Variants in PTPRD observed in about 807,000 individuals in gnomAD.
PTPRD encodes the protein protein tyrosine phosphatase receptor type D.
Under a neutral mutation model 214.5 loss-of-function variants are expected in PTPRD, and 34 were observed. That is an observed-to-expected ratio of 0.16 (90% CI 0.12 to 0.21). The LOEUF is 0.21. Among genes scored for constraint, PTPRD ranks in the 10% least tolerant of loss-of-function variants. The pLI is 1.00. For missense variants in PTPRD, 2,545 were observed against 2,398.7 expected, an observed-to-expected ratio of 1.06 and a Z score of -1.27; for synonymous variants, 1,128 against 845.7, an observed-to-expected ratio of 1.33 and a Z score of -5.79.
chr9:9,674,703 G>C (rs765937454), intron 7 of PTPRD, among the ~76,000 whole-genome samples: 1 of 151,698 alleles, frequency 6.6e-6, no homozygotes, highest in Non-Finnish European at 1.5e-5. Context: ...TAAAAAGATC[G>C]TTAGGGTAAT....
chr9:10,141,595 T>A (rs2098985533), intron 3 of PTPRD, among the ~76,000 whole-genome samples: 1 of 151,868 alleles, frequency 6.6e-6, no homozygotes, highest in Admixed American at 6.6e-5. Flanking sequence ...CTCAACGAAA[T>A]AAAAGAGGAT....
intron 2 of PTPRD, among the ~76,000 whole-genome samples, chr9:10,595,032 A>G (rs2076304940): frequency 6.6e-6 from 1 of 151,646 alleles, no homozygotes; most frequent in African/African-American, 2.4e-5. Context: ...ATAACTATTT[A>G]TAGGCGATAA....
rs547663776 is a variant in PTPRD, at chr9:8,470,893, C to G, written c.3504+102G>C. On this transcript the variant is annotated intron_variant, in intron 31 of 45. Transcript: ENST00000381196. ...ATCCAACCAGCTAGGTATGGAGAAGCCAGCACCCAGATTAGATCCTGAAAG... is the reference window on the plus strand; with the variant it reads ...ATCCAACCAGCTAGGTATGGAGAAGGCAGCACCCAGATTAGATCCTGAAAG... 6.3e-5 allele frequency: 63 copies of G among 1,002,450 alleles called. No individual in the cohort carries two copies. In the South Asian group the frequency reaches 7.8e-4, roughly 12 times the overall value. The allele number at this position is 1,002,450 out of a possible 1,614,324, so 62.1% of individuals were successfully genotyped here. A position where few individuals can be genotyped will look rare whatever the true frequency, so the allele number is the denominator to read the frequency against.
intron 5 of PTPRD, among the ~76,000 whole-genome samples, chr9:9,926,700 C>G (rs2084439600): frequency 1.3e-5 from 2 of 151,944 alleles, no homozygotes; most frequent in South Asian, 2.1e-4. Flanking sequence ...AAATTTCTAA[C>G]TAGGGTTAAT....
chr9:10,239,547 AT>A (rs142481153), intron 3 of PTPRD, among the ~76,000 whole-genome samples: 2,504 of 152,044 alleles, frequency 0.016, 84 homozygotes, highest in African/African-American at 0.057. Flanking sequence ...GTGAAAGGGA[AT>A]TTGCAAAATA....
chr9:10,262,357 C>G (rs1485600865), intron 3 of PTPRD, among the ~76,000 whole-genome samples: 1 of 152,144 alleles, frequency 6.6e-6, no homozygotes, highest in African/African-American at 2.4e-5. Context: ...GAGTGCATCT[C>G]ATTTACTCAT....
chr9:8,604,989 CT>C (rs2154281206), intron 14 of PTPRD, among the ~76,000 whole-genome samples: 1 of 152,256 alleles, frequency 6.6e-6, no homozygotes, highest in African/African-American at 2.4e-5. Context: ...AATTTGATTT[CT>C]GGGTTTTCCA....
chr9:10,241,009 C>A (rs73400326), intron 3 of PTPRD, among the ~76,000 whole-genome samples: 1,330 of 122,312 alleles, frequency 0.011, 15 homozygotes, highest in African/African-American at 0.034. Context: ...GATATAAATA[C>A]CAGAGTAGAA....
chr9:9,771,824 C>T (rs1485906982), intron 5 of PTPRD, among the ~76,000 whole-genome samples: 1 of 152,112 alleles, frequency 6.6e-6, no homozygotes, highest in East Asian at 1.9e-4. Flanking sequence ...CTGCTTAAAC[C>T]AGATGTGTTG....
At chr9:9,108,779 G>A (rs562467898) in intron 10 of PTPRD, among the ~76,000 whole-genome samples, 1 of 152,300 alleles carries the variant, frequency 6.6e-6, no homozygotes, top group Admixed American at 6.5e-5. Flanking sequence ...TCTGCCTAGT[G>A]CTTTCCTAGA....
rs60596258 is a variant in PTPRD, at chr9:10,491,110, G to A, written c.-600+121288C>T. ...CTTGTTCACAGTTATATACCTGGCCGCTATAAGCATATCCAGGATATCCTG... is the reference window on the plus strand; with the variant it reads ...CTTGTTCACAGTTATATACCTGGCCACTATAAGCATATCCAGGATATCCTG... On this transcript the variant is annotated intron_variant, in intron 2 of 45. Transcript: ENST00000381196. Among the ~76,000 whole-genome samples the A allele has an allele frequency of 2.4e-3, 371 of 152,234 alleles. 5 individuals carry two copies. Among genetic ancestry groups the A allele is most frequent in the African/African-American group, 8.0e-3 (334 of 41,546 alleles).
rs114389295 is a variant in PTPRD at position 9,276,481 on chromosome 9, A to G, written c.-202-93118T>C. On this transcript the variant is annotated intron_variant, in intron 9 of 45. Transcript: ENST00000381196. ...AGATGGTCTTGGCAATTAGATGGCA[A>G]TGGAAATTCTAGATCAATTGAGAGA... Among the ~76,000 whole-genome samples, 1,280 of 151,396 alleles carry G rather than the reference A, an allele frequency of 8.5e-3. 20 individuals carry two copies. Among genetic ancestry groups the G allele is most frequent in the African/African-American group, 0.029 (1,221 of 41,432 alleles).
At chr9:8,745,784 T>TTTTC (rs2092725329) in intron 11 of PTPRD, among the ~76,000 whole-genome samples, 1 of 148,714 alleles carries the variant, frequency 6.7e-6, no homozygotes, top group African/African-American at 2.5e-5. Context: ...TTTATGGAGT[T>TTTTC]TCTCTCTCTC....
chr9:9,698,380 G>A (rs1464182432), intron 7 of PTPRD, among the ~76,000 whole-genome samples: 2 of 152,134 alleles, frequency 1.3e-5, no homozygotes, highest in Non-Finnish European at 2.9e-5. Flanking sequence ...CCTTAAGCCC[G>A]GGTTTGTCTT....
In PTPRD at chr9:8,636,839, G is replaced by C. The variant is rs2096450745; in HGVS notation, c.70C>G (p.Pro24Ala). Reference sequence around the variant, plus strand: ...TCAACGGGTGTTCGTGTAAACCTTGGAGGTGCTGAAATAAAAAATAAACAT... The same window carrying C: ...TCAACGGGTGTTCGTGTAAACCTTGCAGGTGCTGAAATAAAAAATAAACAT... ...FFLRTDAETP[P>A]RFTRTPVDQT... The change falls in exon 13 of 46, where the codon CCA (proline) becomes GCA (alanine). Residue 24 changes from proline (P) to alanine (A), a missense_variant. Physicochemically the swap from Pro to Ala is conservative, Grantham distance 27 (BLOSUM62 -1). Transcript: ENST00000381196. 3.7e-6 allele frequency: 6 copies of C among 1,612,288 alleles called. No individual in the cohort carries two copies. Among genetic ancestry groups the C allele is most frequent in the South Asian group, 1.1e-5 (1 of 90,942 alleles).
At chr9:10,353,621 G>C (rs2097218866) in intron 2 of PTPRD, among the ~76,000 whole-genome samples, 1 of 151,912 alleles carries the variant, frequency 6.6e-6, no homozygotes, top group Admixed American at 6.6e-5. Flanking sequence ...CTTAAAGACT[G>C]CAAATAAGAT....
At chr9:8,460,690 C>G (rs1032513149) in intron 32 of PTPRD, 119 bp from the exon 33 acceptor site, 66 of 929,124 alleles carry the variant, frequency 7.1e-5, no homozygotes, top group Non-Finnish European at 9.4e-5. Context: ...GTGTGTGATG[C>G]AATATTAGCA....
intron 11 of PTPRD, among the ~76,000 whole-genome samples, chr9:9,005,928 T>C (rs945107940): frequency 1.3e-5 from 2 of 152,046 alleles, no homozygotes; most frequent in East Asian, 3.9e-4. Flanking sequence ...TATGTGATGA[T>C]TATTTGGAAA....
chr9:8,356,073 G>A (rs747322372), intron 39 of PTPRD, among the ~76,000 whole-genome samples: 4 of 152,096 alleles, frequency 2.6e-5, no homozygotes, highest in Non-Finnish European at 5.9e-5. Context: ...AGGAGAGACC[G>A]CAAAGGGCTG....
Sources: allele counts gnomAD v4.1 joint callset (sites outside exome capture counted in the v4.1 genomes callset), GRCh38; gene constraint gnomAD v4.1.1; transcripts MANE v1.5; gene names NCBI Gene and HGNC (gene_info 2026-07-23, HGNC 2026-07-21).